DOCK1: variants seen among roughly 807,000 people sequenced by gnomAD.
DOCK1 encodes the protein dedicator of cytokinesis 1.
A neutral mutation model predicts 262.7 loss-of-function variants in DOCK1; 138 were observed. The ratio of observed to expected loss-of-function variants is 0.53; its 90% CI spans 0.46 to 0.61. The LOEUF is 0.61. DOCK1 is among the 20% of genes least tolerant of loss of function. The pLI, the probability that DOCK1 is intolerant of heterozygous loss-of-function variation, is 0.00. For synonymous variants in DOCK1, 866 were observed against 867.4 expected, an observed-to-expected ratio of 1.00 and a Z score of 0.03; for missense variants, 1,908 against 2,370.7, an observed-to-expected ratio of 0.80 and a Z score of 4.05.
intron 29 of DOCK1, among the ~76,000 whole-genome samples, chr10:127,325,435 G>A (rs913645329): frequency 1.3e-5 from 2 of 152,204 alleles, no homozygotes; most frequent in Non-Finnish European, 2.9e-5. Flanking sequence ...TACCACCTAG[G>A]AGGCTGATGT....
chr10:127,189,133 C>G (rs934528801), intron 27 of DOCK1, among the ~76,000 whole-genome samples: 1 of 152,190 alleles, frequency 6.6e-6, no homozygotes, highest in African/African-American at 2.4e-5. Context: ...CTACGAGACA[C>G]AAGCTTGAGA....
intron 32 of DOCK1, among the ~76,000 whole-genome samples, chr10:127,361,272 C>T (rs1252038775): frequency 6.6e-6 from 1 of 151,732 alleles, no homozygotes; most frequent in Non-Finnish European, 1.5e-5. Flanking sequence ...CGCTACCACG[C>T]CCAGCTGATT....
chr10:127,052,807 G>A lies in DOCK1; in HGVS notation c.2328G>A (p.Leu776=). The A allele has an allele frequency of 6.2e-7, 1 of 1,612,252 alleles. No individual in the cohort carries two copies. The highest frequency in any genetic ancestry group is 8.5e-7 in the Non-Finnish European group (1 of 1,178,958). ...AGTTCATCGTGCGCTCCAGGATCCT[G>A]TTCAATCAGTGCGTACCTATCCCCT... ...IFKFIVRSRI[L]FNQLYENKGE... Residue 776 remains leucine (L), a synonymous_variant, in exon 22 of 52, where the codon CTG becomes CTA. Transcript: ENST00000623213.
intron 1 of DOCK1, among the ~76,000 whole-genome samples, chr10:126,960,426 C>A (rs909229611): frequency 3.3e-5 from 5 of 151,172 alleles, no homozygotes; most frequent in Non-Finnish European, 7.4e-5. Flanking sequence ...AGTGAGCAGT[C>A]GCCTGGCGGT....
rs2766035 is a variant in DOCK1, at chr10:127,306,418, G to A, written c.3045-32588G>A. ...TTAGGGATAGGTTTCCACGTTCACCGATTTCATCTGAATGGACTGTTGATG... is the reference window on the plus strand; with the variant it reads ...TTAGGGATAGGTTTCCACGTTCACCAATTTCATCTGAATGGACTGTTGATG... On this transcript the variant is annotated intron_variant, in intron 29 of 51. Transcript: ENST00000623213. Among the ~76,000 whole-genome samples the A allele has an allele frequency of 7.1e-3, 1,076 of 152,218 alleles. 7 individuals carry two copies. The highest frequency in any genetic ancestry group is 0.025 in the African/African-American group (1,023 of 41,532).
chr10:127,338,670 A>G (rs964949353), intron 29 of DOCK1, among the ~76,000 whole-genome samples: 6 of 152,228 alleles, frequency 3.9e-5, no homozygotes, highest in Admixed American at 6.5e-5. Flanking sequence ...TAGAACATTA[A>G]GACATGGCAA....
Position 127,037,759 on chromosome 10 carries a change from C to T in DOCK1, c.1953C>T (p.Ser651=), listed in dbSNP as rs1396403950. ...LGLLKWRSNT[S]LLQQNLRQLM... Reference sequence around the variant, plus strand: ...TCTTGAAATGGCGCTCCAACACCAGCCTGCTGCAGCAGAACTTGAGGCAGC... The same window carrying T: ...TCTTGAAATGGCGCTCCAACACCAGTCTGCTGCAGCAGAACTTGAGGCAGC... Residue 651 remains serine, a synonymous_variant, in exon 19 of 52, where the codon AGC becomes AGT. Transcript: ENST00000623213. 1.3e-6 allele frequency: 2 copies of T among 1,598,214 alleles called. No homozygotes were observed. Among genetic ancestry groups the T allele is most frequent in the East Asian group, 2.3e-5 (1 of 44,416 alleles).
At chr10:127,052,506 A>C (rs937218775) in intron 21 of DOCK1, among the ~76,000 whole-genome samples, 175 bp from the exon 22 acceptor site, 12 of 147,450 alleles carry the variant, frequency 8.1e-5, no homozygotes, top group Non-Finnish European at 1.3e-4. Flanking sequence ...CCTGGGTGAC[A>C]GGGTGAAACT....
chr10:126,996,710 T>C (rs776318383), intron 6 of DOCK1, 38 bp from the exon 7 acceptor site: 21 of 1,576,186 alleles, frequency 1.3e-5, no homozygotes, highest in Non-Finnish European at 1.8e-5. Context: ...GCCTCCTTGG[T>C]CTATGTCTGT....
At chr10:126,991,159 C>T (rs1040677876) in intron 6 of DOCK1, among the ~76,000 whole-genome samples, 4 of 152,186 alleles carry the variant, frequency 2.6e-5, no homozygotes, top group Admixed American at 6.5e-5. Flanking sequence ...GAGTTCTTCC[C>T]ATCCATAGCA....
chr10:127,437,512 G>A lies in DOCK1; in HGVS notation c.5061-1515G>A, dbSNP rs1398148028. 6.8e-6 allele frequency among the ~76,000 whole-genome samples: 1 copy of A among 147,808 alleles called. No individual in the cohort carries two copies. Among genetic ancestry groups the A allele is most frequent in the African/African-American group, 2.5e-5 (1 of 40,492 alleles). ...TTTTTTTTTTTTTGAGACAGGATCT[G>A]GCTCTGTCACCCAGGCTGTGCAATG... On this transcript the variant is annotated intron_variant, in intron 48 of 51. Transcript: ENST00000623213. This position sits in a 1 kb window ranked among gnomAD's most constrained non-coding sequence, Gnocchi z 4.4.
chr10:127,433,356 C>G lies in DOCK1; in HGVS notation c.4988C>G (p.Ser1663Cys). The change falls in exon 48 of 52, where the codon TCC becomes TGC. Residue 1663 changes from serine to cysteine, a missense_variant. By Grantham distance (112) the Ser-to-Cys change is moderately radical (BLOSUM62 -1). This residue lies in a region of DOCK1 where 383 missense variants were observed against 420.1 expected (regional missense o/e 0.91). Transcript: ENST00000623213. ...MVRSFTMPSS[S>C]RPLSVASVSS... ...CGGTCCTTCACGATGCCTTCCTCATCCCGCCCTCTGTCTGTGGCCTCTGTC... is the reference window on the plus strand; with the variant it reads ...CGGTCCTTCACGATGCCTTCCTCATGCCGCCCTCTGTCTGTGGCCTCTGTC... 2 of 1,614,002 alleles carry G rather than the reference C, an allele frequency of 1.2e-6. No homozygotes were observed. Among genetic ancestry groups the G allele is most frequent in the Non-Finnish European group, 1.7e-6 (2 of 1,179,904 alleles).
At chr10:127,086,360 A>T (rs181377890) in intron 23 of DOCK1, among the ~76,000 whole-genome samples, 1 of 152,186 alleles carries the variant, frequency 6.6e-6, no homozygotes, top group Non-Finnish European at 1.5e-5. Flanking sequence ...AGTCCTTATA[A>T]CATTTTTATC....
chr10:126,973,230 G>A (rs2038247759), intron 2 of DOCK1, among the ~76,000 whole-genome samples: 2 of 113,522 alleles, frequency 1.8e-5, no homozygotes, highest in South Asian at 6.9e-4. Flanking sequence ...GTGTGTGGTG[G>A]TGGTTTTTTT....
intron 29 of DOCK1, among the ~76,000 whole-genome samples, chr10:127,292,933 A>G (rs1480510019): frequency 6.6e-6 from 1 of 152,104 alleles, no homozygotes; most frequent in South Asian, 2.1e-4. Context: ...TATTAAAAAC[A>G]GGGGTGGGAA....
chr10:127,330,010 G>A (rs1564997125), intron 29 of DOCK1, among the ~76,000 whole-genome samples: 1 of 152,150 alleles, frequency 6.6e-6, no homozygotes, highest in South Asian at 2.1e-4. Flanking sequence ...TTGTCTCTAA[G>A]CTTGATTTCC....
intron 1 of DOCK1, among the ~76,000 whole-genome samples, chr10:126,960,778 A>G (rs1296724449): frequency 9.1e-6 from 1 of 109,322 alleles, no homozygotes; most frequent in Non-Finnish European, 1.8e-5. Context: ...ATATATACGT[A>G]TATATGTGTA....
At chr10:126,973,023 G>A (rs145589779) in intron 2 of DOCK1, among the ~76,000 whole-genome samples, 14 of 151,854 alleles carry the variant, frequency 9.2e-5, no homozygotes, top group African/African-American at 3.1e-4. Flanking sequence ...GGATCAAACC[G>A]CTCATCTCAG....
At chr10:126,978,457 C>G (rs943021233) in intron 3 of DOCK1, among the ~76,000 whole-genome samples, 2 of 152,144 alleles carry the variant, frequency 1.3e-5, no homozygotes, top group African/African-American at 4.8e-5. Context: ...GTTCTGCTCT[C>G]CTAGAGCAGT....
Sources: allele counts gnomAD v4.1 joint callset (sites outside exome capture counted in the v4.1 genomes callset), GRCh38; gene constraint gnomAD v4.1.1; regional missense constraint gnomAD v4.1.1; non-coding constraint Gnocchi (gnomAD v3.1); transcripts MANE v1.5; gene names NCBI Gene and HGNC (gene_info 2026-07-23, HGNC 2026-07-21).